GLDC: variants seen among roughly 807,000 people sequenced by gnomAD.
The protein encoded by GLDC is glycine dehydrogenase (decarboxylating), mitochondrial.
In GLDC, 104 loss-of-function variants were observed where a neutral mutation model predicts 121.3. That is an observed-to-expected ratio of 0.86 (90% CI 0.73 to 1.01). GLDC has a LOEUF of 1.01. Ranked by LOEUF, GLDC falls within the 50% of genes least tolerant of loss-of-function variation. The pLI, the probability that GLDC is intolerant of heterozygous loss-of-function variation, is 0.00. For synonymous variants in GLDC, 546 were observed against 480.6 expected, an observed-to-expected ratio of 1.14 and a Z score of -1.78; for missense variants, 1,429 against 1,306.6, an observed-to-expected ratio of 1.09 and a Z score of -1.44.
intron 24 of GLDC, 47 bp downstream of exon 24, chr9:6,534,661 C>T (rs1171994052): frequency 1.0e-6 from 1 of 956,016 alleles, no homozygotes; most frequent in African/African-American, 1.6e-5. Context: ...AGGATAGGAG[C>T]TGGCCCATGC....
intron 3 of GLDC, among the ~76,000 whole-genome samples, chr9:6,618,463 A>G (rs541074843): frequency 2.6e-5 from 4 of 152,022 alleles, no homozygotes; most frequent in African/African-American, 9.6e-5. Flanking sequence ...ATGCACCACC[A>G]CGCCCAGCTA....
chr9:6,540,087 C>A lies in GLDC; in HGVS notation c.2629G>T (p.Glu877Ter), dbSNP rs765893483. 8 of 1,613,318 alleles carry A rather than the reference C, an allele frequency of 5.0e-6. No individual in the cohort carries two copies. The highest frequency in any genetic ancestry group is 6.8e-6 in the Non-Finnish European group (8 of 1,179,304). Residue 877 changes from glutamate (E) to a stop codon, truncating the protein, a stop_gained, in exon 22 of 25, where the codon GAG becomes TAG. Transcript: ENST00000321612. LOFTEE classifies it high-confidence loss of function. ...TRPFKKSANI[E>*]AVDVAKRLQD... is the part of the protein sequence containing the mutation. ...AGTCTCTTGGCCACATCCACAGCCT[C>A]AATATTTGCAGACTTTTTGAAGGGT... is the stretch of plus-strand genomic sequence containing the variant.
At chr9:6,587,040 C>G in intron 15 of GLDC, 101 bp downstream of exon 15, 1 of 967,424 alleles carries the variant, frequency 1.0e-6, no homozygotes, top group Non-Finnish European at 1.7e-6. Context: ...TAGCAAGTCA[C>G]AGAATAACAC....
chr9:6,627,269 C>T (rs1240947279), intron 2 of GLDC, among the ~76,000 whole-genome samples: 1 of 136,198 alleles, frequency 7.3e-6, no homozygotes, highest in Non-Finnish European at 1.5e-5. Flanking sequence ...GCACTCCAGC[C>T]TGGGCAACAG....
At chr9:6,638,535 T>C (rs892079159) in intron 2 of GLDC, among the ~76,000 whole-genome samples, 5 of 152,152 alleles carry the variant, frequency 3.3e-5, no homozygotes, top group Non-Finnish European at 7.3e-5. Flanking sequence ...TTCTTTACAT[T>C]GAGAAGATAT....
At chr9:6,575,234 C>T (rs1199415961) in intron 15 of GLDC, among the ~76,000 whole-genome samples, 1 of 151,522 alleles carries the variant, frequency 6.6e-6, no homozygotes, top group Non-Finnish European at 1.5e-5. Context: ...AAAAACAAAC[C>T]CCAAAACTCT....
At chr9:6,535,161 A>G (rs987674499) in intron 23 of GLDC, among the ~76,000 whole-genome samples, 16 of 152,170 alleles carry the variant, frequency 1.1e-4, no homozygotes, top group Non-Finnish European at 1.0e-4. Flanking sequence ...ATATGTTAAT[A>G]AACTGCATAT....
At chr9:6,574,492 A>G (rs2129789478) in intron 15 of GLDC, among the ~76,000 whole-genome samples, 1 of 152,028 alleles carries the variant, frequency 6.6e-6, no homozygotes, top group South Asian at 2.1e-4. Context: ...GAAAAGAAAA[A>G]AAAAGAAAAG....
chr9:6,537,241 G>T (rs1817147449), intron 22 of GLDC, among the ~76,000 whole-genome samples: 1 of 152,004 alleles, frequency 6.6e-6, no homozygotes, highest in African/African-American at 2.4e-5. Context: ...TGTTGTCCGG[G>T]CTACCGAGCT....
chr9:6,572,713 C>G (rs991722286), intron 15 of GLDC, among the ~76,000 whole-genome samples: 17 of 152,190 alleles, frequency 1.1e-4, no homozygotes, highest in African/African-American at 4.1e-4. Context: ...TTCTCTGCTG[C>G]CAGCCTTTCT....
At chr9:6,565,612 T>C (rs984737629) in intron 15 of GLDC, 183 bp from the exon 16 acceptor site, 34 of 677,314 alleles carry the variant, frequency 5.0e-5, no homozygotes, top group Non-Finnish European at 9.2e-5. Context: ...ATCAAAACAA[T>C]CAAAGCAACA....
chr9:6,644,530 C>T (rs1819698654), intron 2 of GLDC, 84 bp downstream of exon 2: 3 of 917,428 alleles, frequency 3.3e-6, no homozygotes, highest in East Asian at 2.4e-5. Context: ...GCAATCCTTA[C>T]CCCAGAGCTC....
chr9:6,619,584 C>G (rs1289552560), intron 3 of GLDC, among the ~76,000 whole-genome samples: 2 of 151,990 alleles, frequency 1.3e-5, no homozygotes, highest in East Asian at 1.9e-4. Flanking sequence ...AAAAATTAGC[C>G]GGGGGTGGTT....
At chr9:6,565,237 A>G (rs564401592) in intron 16 of GLDC, 117 bp downstream of exon 16, 18 of 802,904 alleles carry the variant, frequency 2.2e-5, no homozygotes, top group South Asian at 1.7e-4. Flanking sequence ...TTTCTTGACT[A>G]TATGTTCCCT....
intron 21 of GLDC, among the ~76,000 whole-genome samples, chr9:6,543,321 G>C (rs1817310132): frequency 1.3e-5 from 2 of 152,152 alleles, no homozygotes; most frequent in Admixed American, 1.3e-4. Context: ...GAGGACGAAG[G>C]CTAATGGAAG....
At chr9:6,644,823 A>T in intron 1 of GLDC, 131 bp from the exon 2 acceptor site, 1 of 715,146 alleles carries the variant, frequency 1.4e-6, no homozygotes, top group Non-Finnish European at 2.5e-6. Flanking sequence ...AAAGAAAAGG[A>T]AAACTCTGAG....
At chr9:6,558,284 G>A (rs1331820908) in intron 17 of GLDC, 1 of 598,910 alleles carries the variant, frequency 1.7e-6, no homozygotes, top group African/African-American at 1.9e-5. Context: ...GAAGGAGAGG[G>A]AAGATTGGGC....
chr9:6,645,208 G>C, intron 1 of GLDC, 37 bp downstream of exon 1: 3 of 1,549,812 alleles, frequency 1.9e-6, no homozygotes, highest in African/African-American at 2.8e-5. Flanking sequence ...GGGCAGGGCG[G>C]AGGGGAGGCC....
At chr9:6,544,159 T>C (rs1380229170) in intron 21 of GLDC, among the ~76,000 whole-genome samples, 1 of 152,154 alleles carries the variant, frequency 6.6e-6, no homozygotes, top group African/African-American at 2.4e-5. Context: ...TCAAGCCTTT[T>C]AGCTGAAATC....
Sources: gnomAD v4.1 joint callset for allele counts (sites outside exome capture counted in the v4.1 genomes callset) on GRCh38, gnomAD v4.1.1 for gene constraint, MANE v1.5 for transcripts, NCBI Gene and HGNC (gene_info 2026-07-23, HGNC 2026-07-21) for gene names.